Variants in RAPGEF1 observed in about 807,000 individuals in gnomAD.
RAPGEF1 encodes the protein CRK SH3-binding GNRP.
In RAPGEF1, 33 loss-of-function variants were observed where a neutral mutation model predicts 143.3. The ratio of observed to expected loss-of-function variants is 0.23; its 90% CI spans 0.17 to 0.31. RAPGEF1 has a LOEUF of 0.31. RAPGEF1 is among the 10% of genes least tolerant of loss of function. RAPGEF1 has a pLI of 1.00. For missense variants in RAPGEF1, 1,199 were observed against 1,645.4 expected (o/e 0.73, Z 4.69); for synonymous variants, 629 against 676.5 (o/e 0.93, Z 1.09).
chr9:131,681,495 G>C lies in RAPGEF1; in HGVS notation c.62-30546C>G, dbSNP rs150509053. 4.6e-3 allele frequency among the ~76,000 whole-genome samples: 699 copies of C among 152,294 alleles called. 5 individuals carry two copies. The highest frequency in any genetic ancestry group is 0.016 in the African/African-American group (680 of 41,542). On this transcript the variant is annotated intron_variant, in intron 1 of 26. Coordinates refer to ENST00000683357, the MANE Select transcript of RAPGEF1 (RefSeq NM_001377935.1). ...CAAGCTATAAATCAGTATGGACCAG[G>C]TTCTCCTTTTGTAATGGGACTGTTA...
At chr9:131,731,836 C>T (rs1837094854) in intron 1 of RAPGEF1, among the ~76,000 whole-genome samples, 2 of 152,192 alleles carry the variant, frequency 1.3e-5, no homozygotes, top group African/African-American at 4.8e-5. Context: ...AAAGAGAAAG[C>T]TGCTGCTAAG....
chr9:131,639,469 A>T (rs140430219), intron 4 of RAPGEF1, among the ~76,000 whole-genome samples: 262 of 127,598 alleles, frequency 2.1e-3, no homozygotes, highest in African/African-American at 8.2e-3. Flanking sequence ...TGTGTGTGTG[A>T]GAGAGAGACC....
rs377754261 is a variant in RAPGEF1, at chr9:131,626,080, G to A, written c.1544C>T (p.Pro515Leu). The A allele has an allele frequency of 1.9e-5, 31 of 1,613,848 alleles. No individual in the cohort carries two copies. Among genetic ancestry groups the A allele is most frequent in the East Asian group, 1.1e-4 (5 of 44,888 alleles). ...ISGEDLQSTA[P>L]IPSVPYAPFA... Reference sequence around the variant, plus strand: ...GGGCGCGTAGGGGACGGATGGGATCGGGGCTGTGCTCTGCAGGTCCTCCCC... The same window carrying A: ...GGGCGCGTAGGGGACGGATGGGATCAGGGCTGTGCTCTGCAGGTCCTCCCC... The change falls in exon 10 of 27, where the codon CCG (proline) becomes CTG (leucine). Residue 515 changes from proline (P) to leucine (L), a missense_variant. Physicochemically the swap from Pro to Leu is moderately conservative, Grantham distance 98 (BLOSUM62 -3). Around this residue, in one of 6 missense-constraint regions of RAPGEF1, gnomAD observed 613 missense variants for 710.9 expected, o/e 0.86. Coordinates refer to ENST00000683357, the MANE Select transcript of RAPGEF1 (RefSeq NM_001377935.1).
At chr9:131,673,743 C>T (rs1266112714) in intron 1 of RAPGEF1, among the ~76,000 whole-genome samples, 1 of 152,152 alleles carries the variant, frequency 6.6e-6, no homozygotes, top group Non-Finnish European at 1.5e-5. Flanking sequence ...GGAGAAAGTC[C>T]AATGGTGCTG....
rs887809796 is a variant in RAPGEF1 at position 131,667,301 on chromosome 9, T to C, written c.62-16352A>G. 6.6e-6 allele frequency among the ~76,000 whole-genome samples: 1 copy of C among 152,050 alleles called. No homozygotes were observed. The highest frequency in any genetic ancestry group is 2.4e-5 in the African/African-American group (1 of 41,388). On this transcript the variant is annotated intron_variant, in intron 1 of 26. Transcript: ENST00000683357. The surrounding 1 kb of genome is among the most constrained non-coding windows in gnomAD (Gnocchi z 4.6). The stretch of plus-strand genomic sequence containing the variant: ...CCACTGCGCCCAGCCAAGGCATTCT[T>C]ATTACCACTCAACAGATGAGGAGAC...
intron 1 of RAPGEF1, among the ~76,000 whole-genome samples, chr9:131,690,510 C>A (rs556339853): frequency 6.6e-6 from 1 of 152,162 alleles, no homozygotes; most frequent in Admixed American, 6.5e-5. Context: ...CAAAAGTACA[C>A]TGATGGGTCA....
At chr9:131,725,322 CA>C (rs1340063462) in intron 1 of RAPGEF1, 3 of 152,182 alleles carry the variant, frequency 2.0e-5, no homozygotes, top group Non-Finnish European at 4.4e-5. Context: ...CAGAGGTTAA[CA>C]TATTGATGCT....
At chr9:131,652,933 G>GATCAA (rs1971472883) in intron 1 of RAPGEF1, among the ~76,000 whole-genome samples, 1 of 152,136 alleles carries the variant, frequency 6.6e-6, no homozygotes, top group Non-Finnish European at 1.5e-5. Flanking sequence ...CATTGCGCTG[G>GATCAA]ATGTAATGAT....
chr9:131,688,171 T>C (rs1352084506), intron 1 of RAPGEF1, among the ~76,000 whole-genome samples: 1 of 152,202 alleles, frequency 6.6e-6, no homozygotes, highest in Non-Finnish European at 1.5e-5. Context: ...CCGTGCCAGA[T>C]GAAAGGGAGA....
chr9:131,603,428 G>A (rs981620736), intron 14 of RAPGEF1, among the ~76,000 whole-genome samples: 1 of 152,212 alleles, frequency 6.6e-6, no homozygotes, highest in Non-Finnish European at 1.5e-5. Flanking sequence ...TGCTGACGTC[G>A]GGTACCTTGT....
At chr9:131,622,556 G>C (rs1282338716) in intron 10 of RAPGEF1, among the ~76,000 whole-genome samples, 2 of 152,236 alleles carry the variant, frequency 1.3e-5, no homozygotes, top group Admixed American at 6.5e-5. Flanking sequence ...TCCAGGTATA[G>C]AGGAAATGCT....
At chr9:131,709,990 T>TTAA in intron 1 of RAPGEF1, 1 of 969,758 alleles carries the variant, frequency 1.0e-6, no homozygotes, top group Non-Finnish European at 1.2e-6. Flanking sequence ...TGACACTTTA[T>TTAA]TACTCATCAG....
chr9:131,728,014 T>A (rs1381459135), intron 1 of RAPGEF1, among the ~76,000 whole-genome samples: 1 of 152,202 alleles, frequency 6.6e-6, no homozygotes, highest in African/African-American at 2.4e-5. Context: ...TTGACTGGGC[T>A]TTGGTCTCTC....
chr9:131,648,836 C>T (rs1970354384), intron 3 of RAPGEF1, among the ~76,000 whole-genome samples: 1 of 152,132 alleles, frequency 6.6e-6, no homozygotes, highest in African/African-American at 2.4e-5. Flanking sequence ...TGCTGGTCAA[C>T]ATAAAACCCA....
chr9:131,735,208 A>AG (rs920605256), intron 1 of RAPGEF1, among the ~76,000 whole-genome samples: 2 of 152,204 alleles, frequency 1.3e-5, no homozygotes, highest in African/African-American at 4.8e-5. Flanking sequence ...CCACTGAAGG[A>AG]GGGAAGAAAG....
At chr9:131,600,043 G>T (rs111992864) in intron 15 of RAPGEF1, among the ~76,000 whole-genome samples, 8,806 of 152,094 alleles carry the variant, frequency 0.058, 336 homozygotes, top group Middle Eastern at 0.12. Context: ...TTGAACCCAG[G>T]AGGTGGAGGT....
intron 1 of RAPGEF1, among the ~76,000 whole-genome samples, chr9:131,701,589 C>T (rs922131489): frequency 6.6e-5 from 10 of 152,018 alleles, no homozygotes; most frequent in Admixed American, 5.9e-4. Flanking sequence ...ATTATTGCAT[C>T]ATATGTTATA....
At chr9:131,725,855 T>C (rs1836627041) in intron 1 of RAPGEF1, among the ~76,000 whole-genome samples, 1 of 146,860 alleles carries the variant, frequency 6.8e-6, no homozygotes, top group African/African-American at 2.5e-5. Flanking sequence ...ACCTCCCAGG[T>C]TCATGCCATT....
At chr9:131,654,703 C>G (rs7872244) in intron 1 of RAPGEF1, among the ~76,000 whole-genome samples, 14,719 of 152,184 alleles carry the variant, frequency 0.097, 826 homozygotes, top group Middle Eastern at 0.27. Flanking sequence ...AAAATAAAGG[C>G]TTGGGGGACA....
Sources: gnomAD v4.1 joint callset for allele counts (sites outside exome capture counted in the v4.1 genomes callset) on GRCh38, gnomAD v4.1.1 for gene constraint, gnomAD v4.1.1 regional missense constraint, Gnocchi (gnomAD v3.1) non-coding constraint, MANE v1.5 for transcripts, NCBI Gene and HGNC (gene_info 2026-07-23, HGNC 2026-07-21) for gene names.